The following SNTG1 variants were observed in gnomAD, a reference collection of about 807,000 sequenced individuals.
The protein encoded by SNTG1 is syntrophin gamma 1, also known as gamma-1-syntrophin.
SNTG1 carries 39 observed loss-of-function variants against 74.7 expected under a neutral mutation model. That is an observed-to-expected ratio of 0.52 (90% confidence interval 0.40 to 0.68). The LOEUF is 0.68. SNTG1 is among the 30% of genes least tolerant of loss of function. The probability of loss-of-function intolerance (pLI) is 0.00; values close to 1 mark genes in which losing one functional copy is unlikely to be tolerated. For synonymous variants in SNTG1, 254 were observed against 217.1 expected (o/e 1.17, Z -1.49); for missense variants, 685 against 609.5 (o/e 1.12, Z -1.30).
chr8:50,342,036 G>T (rs184411701), intron 2 of SNTG1, among the ~76,000 whole-genome samples: 1 of 152,020 alleles, frequency 6.6e-6, no homozygotes, highest in Non-Finnish European at 1.5e-5. Flanking sequence ...TTATAGTCTG[G>T]ATGGCTGTAA....
chr8:50,033,150 T>C (rs7839007), intron 1 of SNTG1, among the ~76,000 whole-genome samples: 17,278 of 151,488 alleles, frequency 0.11, 2,595 homozygotes, highest in African/African-American at 0.34. Context: ...AGTTTCGCTC[T>C]TGTTGCCCGG....
intron 17 of SNTG1, 152 bp downstream of exon 17, chr8:50,709,130 G>A (rs1222786950): frequency 3.9e-5 from 24 of 613,576 alleles, no homozygotes; most frequent in South Asian, 8.7e-5. Context: ...ATTATGCTTC[G>A]ATCTGAAAAA....
chr8:50,538,822 A>G (rs1195781710), intron 11 of SNTG1, among the ~76,000 whole-genome samples: 1 of 152,094 alleles, frequency 6.6e-6, no homozygotes, highest in African/African-American at 2.4e-5. Context: ...TGCAAATATT[A>G]ACCCTTTTAT....
intron 9 of SNTG1, among the ~76,000 whole-genome samples, chr8:50,513,229 C>G (rs571638250): frequency 6.6e-6 from 1 of 152,144 alleles, no homozygotes; most frequent in Admixed American, 6.5e-5. Flanking sequence ...TGCAGAACAG[C>G]GGATATTGGT....
chr8:50,305,162 C>G (rs1362741726), intron 2 of SNTG1, among the ~76,000 whole-genome samples: 1 of 151,924 alleles, frequency 6.6e-6, no homozygotes, highest in African/African-American at 2.4e-5. Flanking sequence ...TTTTATTGAG[C>G]TCTTGTATGT....
Position 50,016,349 on chromosome 8 carries a change from A to G in SNTG1, c.-103+104118A>G, listed in dbSNP as rs1459594804. Among the ~76,000 whole-genome samples, 5 of 152,136 alleles carry G rather than the reference A, an allele frequency of 3.3e-5. No homozygotes were observed. The East Asian group carries it at 9.6e-4, about 29-fold the overall frequency. Reference sequence around the variant, plus strand: ...TTTAAAATTTTTCACTCAGCTCATGAGGCACCCACTTATCAAGCTTTTTCA... The same window carrying G: ...TTTAAAATTTTTCACTCAGCTCATGGGGCACCCACTTATCAAGCTTTTTCA... On this transcript the variant is annotated intron_variant, in intron 1 of 18. Transcript: ENST00000642720.
intron 2 of SNTG1, among the ~76,000 whole-genome samples, chr8:50,336,004 T>C (rs1291841990): frequency 6.6e-6 from 1 of 152,118 alleles, no homozygotes; most frequent in Non-Finnish European, 1.5e-5. Flanking sequence ...CTATTCTTCC[T>C]GTGTCTTCCG....
chr8:50,531,817 C>T (rs974753556), intron 10 of SNTG1, among the ~76,000 whole-genome samples: 7 of 152,174 alleles, frequency 4.6e-5, no homozygotes, highest in Non-Finnish European at 7.3e-5. Context: ...TGGGAGAAAG[C>T]TCTTTGGAGC....
chr8:50,776,729 TTC>T (rs1254694672), intron 18 of SNTG1, among the ~76,000 whole-genome samples: 5 of 151,914 alleles, frequency 3.3e-5, no homozygotes, highest in African/African-American at 9.6e-5. Context: ...TATAATTATT[TTC>T]TCTTTTTGTC....
At chr8:49,999,062 A>G (rs1814507951) in intron 1 of SNTG1, among the ~76,000 whole-genome samples, 1 of 152,136 alleles carries the variant, frequency 6.6e-6, no homozygotes, top group Admixed American at 6.5e-5. Context: ...CTCCTTTATA[A>G]TCTTACAGAA....
chr8:50,625,442 T>G (rs2094950241), intron 13 of SNTG1, among the ~76,000 whole-genome samples: 1 of 152,182 alleles, frequency 6.6e-6, no homozygotes, highest in African/African-American at 2.4e-5. Flanking sequence ...TCAACTTGGT[T>G]TAACCATCCC....
rs1039706557 is a variant in SNTG1 at position 50,079,411 on chromosome 8, T to A, written c.-102-93150T>A. Among the ~76,000 whole-genome samples, 11 of 87,150 alleles carry A rather than the reference T, an allele frequency of 1.3e-4. 1 individual carries two copies. The highest frequency in any genetic ancestry group is 4.4e-4 in the African/African-American group (10 of 22,962). The allele number at this position is 87,150 out of a possible 152,430, so 57.2% of individuals were successfully genotyped here. A position where few individuals can be genotyped will look rare whatever the true frequency, so the allele number is the denominator to read the frequency against. On this transcript the variant is annotated intron_variant, in intron 1 of 18. Transcript: ENST00000642720. ...GCCCACTTTTTGATGGGGTTGTTTG[T>A]TTTTTTTTTTCTTGTAAATTTGTTT... is the stretch of plus-strand genomic sequence containing the variant.
At chr8:50,222,544 C>T (rs557720963) in intron 2 of SNTG1, among the ~76,000 whole-genome samples, 2 of 152,294 alleles carry the variant, frequency 1.3e-5, no homozygotes, top group African/African-American at 4.8e-5. Flanking sequence ...GTGTTTTCAA[C>T]TAGAGTCATC....
At chr8:50,426,082 T>C (rs2093160150) in intron 4 of SNTG1, among the ~76,000 whole-genome samples, 1 of 152,158 alleles carries the variant, frequency 6.6e-6, no homozygotes, top group South Asian at 2.1e-4. Flanking sequence ...CCTATTAACA[T>C]CTTACATAGT....
chr8:50,215,991 T>A (rs1045209499), intron 2 of SNTG1, among the ~76,000 whole-genome samples: 15 of 152,130 alleles, frequency 9.9e-5, no homozygotes, highest in African/African-American at 3.1e-4. Flanking sequence ...ATCAAGGAAT[T>A]TTTTTACAGA....
chr8:50,390,908 G>T (rs915023143), intron 2 of SNTG1, among the ~76,000 whole-genome samples: 4 of 152,126 alleles, frequency 2.6e-5, no homozygotes, highest in Non-Finnish European at 5.9e-5. Context: ...TGTGATTTTT[G>T]CACATTGATT....
In SNTG1 at chr8:50,322,420, T is replaced by C. The variant is rs571611103; in HGVS notation, c.-27-71792T>C. The stretch of plus-strand genomic sequence containing the variant: ...TGCCAGCTATATTGGAGCTCCATTG[T>C]ATGCTATTTGTTTCTTTTCTCTTGC... On this transcript the variant is annotated intron_variant, in intron 2 of 18. Transcript: ENST00000642720. Among the ~76,000 whole-genome samples, 51 of 152,284 alleles carry C rather than the reference T, an allele frequency of 3.3e-4. 1 individual carries two copies. Among genetic ancestry groups the C allele is most frequent in the African/African-American group, 1.2e-3 (49 of 41,570 alleles).
chr8:50,016,786 A>G (rs568108232), intron 1 of SNTG1, among the ~76,000 whole-genome samples: 18 of 152,290 alleles, frequency 1.2e-4, no homozygotes, highest in Admixed American at 3.3e-4. Context: ...GTCCATTAAA[A>G]TGATGTATAA....
intron 13 of SNTG1, among the ~76,000 whole-genome samples, chr8:50,651,196 T>G (rs1458439315): frequency 1.3e-5 from 2 of 152,074 alleles, no homozygotes; most frequent in African/African-American, 2.4e-5. Flanking sequence ...TTTTTCTATT[T>G]CATTAGTGCC....
Sources: gnomAD v4.1 joint callset for allele counts (sites outside exome capture counted in the v4.1 genomes callset) on GRCh38, gnomAD v4.1.1 for gene constraint, MANE v1.5 for transcripts, NCBI Gene and HGNC (gene_info 2026-07-23, HGNC 2026-07-21) for gene names.